The following TRMT44 variants were observed in gnomAD, a reference collection of about 807,000 sequenced individuals.
TRMT44 encodes the protein tRNA methyltransferase 44 homolog.
TRMT44 carries 78 observed loss-of-function variants against 77.3 expected under a neutral mutation model. That is an observed-to-expected ratio of 1.01 (90% CI 0.84 to 1.22). The LOEUF (loss-of-function observed/expected upper bound fraction) is 1.22. TRMT44 is among the 50% of genes most tolerant of loss of function. The pLI is 0.00. For missense variants in TRMT44, 1,090 were observed against 964.4 expected, an observed-to-expected ratio of 1.13 and a Z score of -1.73; for synonymous variants, 391 against 383.3, an observed-to-expected ratio of 1.02 and a Z score of -0.23.
At position 8,456,200 on chromosome 4, in the gene TRMT44, C is replaced by T. The variant is rs368628116; in HGVS notation, c.1203+1387C>T. 1.1e-4 allele frequency among the ~76,000 whole-genome samples: 16 copies of T among 152,310 alleles called. No individual in the cohort carries two copies. In the East Asian group the frequency reaches 2.9e-3, roughly 28 times the overall value. On this transcript the variant is annotated intron_variant, in intron 6 of 10. Transcript: ENST00000389737. Reference sequence around the variant, plus strand: ...AAAATTTCCTGGTCACTGCTCGTTCCTACTGCAGTGAGCCCAAGTGTTTCA... The same window carrying T: ...AAAATTTCCTGGTCACTGCTCGTTCTTACTGCAGTGAGCCCAAGTGTTTCA...
chr4:8,455,179 C>T (rs1354319894), intron 6 of TRMT44, among the ~76,000 whole-genome samples: 1 of 152,228 alleles, frequency 6.6e-6, no homozygotes, highest in Non-Finnish European at 1.5e-5. Context: ...GTTCAGTCAG[C>T]AAGCAGTTAG....
chr4:8,467,424 T>C (rs79508241), intron 8 of TRMT44, among the ~76,000 whole-genome samples: 1 of 152,210 alleles, frequency 6.6e-6, no homozygotes, highest in Admixed American at 6.5e-5. Context: ...GCTCTTACTG[T>C]TTTTTTAATT....
chr4:8,446,701 A>G lies in TRMT44; in HGVS notation c.734+111A>G, dbSNP rs1384486653. On this transcript the variant is annotated intron_variant, in intron 2 of 10. Transcript: ENST00000389737. This position sits in a 1 kb window ranked among gnomAD's most constrained non-coding sequence, Gnocchi z 4.3. The stretch of plus-strand genomic sequence containing the variant: ...TTAAGGTCCTGTCTCTGAGGTGGTT[A>G]TGGTTTGTAGGAATGCAGTTGCTAG... 1.4e-6 allele frequency: 1 copy of G among 699,562 alleles called. No individual in the cohort carries two copies. Among genetic ancestry groups the G allele is most frequent in the East Asian group, 2.8e-5 (1 of 35,568 alleles). 43.3% of individuals were successfully genotyped at this position (699,562 alleles called of 1,614,324 possible).
the TRMT44 span, among the ~76,000 whole-genome samples, chr4:8,499,649 A>G: frequency 2.0e-5 from 3 of 152,170 alleles, no homozygotes; most frequent in African/African-American, 7.2e-5. Context: ...CCACCACCAA[A>G]GATGAAACCA....
At chr4:8,485,534 G>C (rs1012251500) in intron 2 of TRMT44, among the ~76,000 whole-genome samples, 9 of 152,098 alleles carry the variant, frequency 5.9e-5, no homozygotes, top group African/African-American at 2.2e-4. Context: ...GGCATTGAGC[G>C]GGGTAAGGGT....
intron 6 of TRMT44, among the ~76,000 whole-genome samples, chr4:8,463,731 G>T (rs1249445949): frequency 6.6e-6 from 1 of 152,140 alleles, no homozygotes; most frequent in Non-Finnish European, 1.5e-5. Context: ...ATCCAAAGGC[G>T]ATTAGCACTC....
chr4:8,484,720 T>C (rs770141151), intron 2 of TRMT44, among the ~76,000 whole-genome samples: 5 of 152,150 alleles, frequency 3.3e-5, no homozygotes, highest in Non-Finnish European at 7.3e-5. Flanking sequence ...ATTTAGGATC[T>C]ATGGGGTCAA....
chr4:8,441,049 A>T lies in TRMT44; in HGVS notation c.227A>T (p.Gln76Leu), dbSNP rs1169947887. The T allele has an allele frequency of 1.9e-5, 29 of 1,487,954 alleles. No individual in the cohort carries two copies. The South Asian group carries it at 2.2e-4, about 11-fold the overall frequency. 92.2% of individuals were successfully genotyped at this position (1,487,954 alleles called of 1,614,324 possible). A position where few individuals can be genotyped will look rare whatever the true frequency, so the allele number is the denominator to read the frequency against. ...EQKERGPGPG[Q>L]GSPGGGPGPR... is the part of the protein sequence containing the mutation. Reference sequence around the variant, plus strand: ...AAGGAGCGGGGTCCGGGACCCGGCCAGGGTTCCCCCGGAGGGGGCCCGGGT... The same window carrying T: ...AAGGAGCGGGGTCCGGGACCCGGCCTGGGTTCCCCCGGAGGGGGCCCGGGT... The change falls in exon 1 of 11, where the codon CAG becomes CTG. Residue 76 changes from glutamine to leucine, a missense_variant. Coordinates refer to ENST00000389737, the MANE Select transcript of TRMT44 (RefSeq NM_152544.3).
At chr4:8,478,356 G>C (rs1170465507), downstream of TRMT44, 3 of 152,738 alleles carry the variant, frequency 2.0e-5, no homozygotes, top group Non-Finnish European at 4.4e-5. Context: ...CAGGCCAAGA[G>C]CTATGCTAAG....
In TRMT44 at chr4:8,465,535, T is replaced by A. The variant is rs113553358; in HGVS notation, c.1468T>A (p.Cys490Ser). 13 of 1,613,204 alleles carry A rather than the reference T, an allele frequency of 8.1e-6. No homozygotes were observed. The highest frequency in any genetic ancestry group is 1.1e-5 in the South Asian group (1 of 90,848). Reference sequence around the variant, plus strand: ...CTGTGGGTTTCACGTGGACGAAGACTGCCTCAGGATTCCTTCAACCAAAAG... The same window carrying A: ...CTGTGGGTTTCACGTGGACGAAGACAGCCTCAGGATTCCTTCAACCAAAAG... Reference protein sequence around the residue: ...FTCGFHVDEDCLRIPSTKRVC... With the variant: ...FTCGFHVDEDSLRIPSTKRVC... Residue 490 changes from cysteine to serine, a missense_variant, in exon 8 of 11, where the codon TGC becomes AGC. Transcript: ENST00000389737.
the TRMT44 span, among the ~76,000 whole-genome samples, chr4:8,506,033 C>T: frequency 6.6e-6 from 1 of 152,244 alleles, no homozygotes; most frequent in Non-Finnish European, 1.5e-5. Flanking sequence ...TATTTCTTCA[C>T]AGCAGTGTGA....
chr4:8,478,058 C>T (rs1414615903), downstream of TRMT44: 1 of 153,186 alleles, frequency 6.5e-6, no homozygotes, highest in African/African-American at 2.4e-5. Context: ...CCCATTTCCT[C>T]TCCCCTTCCC....
intron 1 of TRMT44, among the ~76,000 whole-genome samples, chr4:8,443,137 C>T (rs1560217055): frequency 6.6e-6 from 1 of 152,110 alleles, no homozygotes; most frequent in Non-Finnish European, 1.5e-5. Flanking sequence ...CTCTAGGTGT[C>T]CTCTCCTCCA....
Position 8,466,092 on chromosome 4 carries a change from C to T in TRMT44, c.1494+531C>T, listed in dbSNP as rs538751431. Reference sequence around the variant, plus strand: ...TGTGTGGACAGGGCAGACTTATGCCCTCTTGCCGCTCCAAAGGCTTGACCT... The same window carrying T: ...TGTGTGGACAGGGCAGACTTATGCCTTCTTGCCGCTCCAAAGGCTTGACCT... On this transcript the variant is annotated intron_variant, in intron 8 of 10. Coordinates refer to ENST00000389737, the MANE Select transcript of TRMT44 (RefSeq NM_152544.3). 7.9e-5 allele frequency among the ~76,000 whole-genome samples: 12 copies of T among 152,336 alleles called. No homozygotes were observed. The South Asian group carries it at 8.3e-4, about 11-fold the overall frequency.
chr4:8,463,056 T>C (rs1390996933), intron 6 of TRMT44, among the ~76,000 whole-genome samples: 3 of 152,254 alleles, frequency 2.0e-5, no homozygotes, highest in Non-Finnish European at 2.9e-5. Flanking sequence ...TTACTTACCA[T>C]GTCTGTAAAA....
intron 1 of TRMT44, among the ~76,000 whole-genome samples, chr4:8,443,014 C>T (rs1448002354): frequency 5.3e-5 from 8 of 152,172 alleles, no homozygotes; most frequent in African/African-American, 7.2e-5. Context: ...CTGGGTATTA[C>T]GGCATGGACA....
At position 8,452,325 on chromosome 4, in the gene TRMT44, C is replaced by T. The variant is rs77696840; in HGVS notation, c.1023+297C>T. Among the ~76,000 whole-genome samples the T allele has an allele frequency of 9.8e-4, 149 of 152,356 alleles. 1 individual carries two copies. Among genetic ancestry groups the T allele is most frequent in the African/African-American group, 3.5e-3 (145 of 41,584 alleles). On this transcript the variant is annotated intron_variant, in intron 4 of 10. Coordinates refer to ENST00000389737, the MANE Select transcript of TRMT44 (RefSeq NM_152544.3). This position sits in a 1 kb window ranked among gnomAD's most constrained non-coding sequence, Gnocchi z 5.7. Reference sequence around the variant, plus strand: ...TGGCACAGGGAAGCACTGAGGAACACGTGTCTTCCGGCCCTGGCCTAGAAC... The same window carrying T: ...TGGCACAGGGAAGCACTGAGGAACATGTGTCTTCCGGCCCTGGCCTAGAAC...
intron 10 of TRMT44, among the ~76,000 whole-genome samples, chr4:8,474,666 C>T (rs1247997301): frequency 2.6e-5 from 4 of 152,236 alleles, no homozygotes; most frequent in African/African-American, 9.6e-5. Context: ...GCCAGACTTC[C>T]TCACTGAGGC....
chr4:8,461,874 G>T lies in TRMT44; in HGVS notation c.1204-2111G>T, dbSNP rs113586378. On this transcript the variant is annotated intron_variant, in intron 6 of 10. Coordinates refer to ENST00000389737, the MANE Select transcript of TRMT44 (RefSeq NM_152544.3). The surrounding 1 kb of genome is among the most constrained non-coding windows in gnomAD (Gnocchi z 4.6). The stretch of plus-strand genomic sequence containing the variant: ...TTTTCTAGTGAATGATTTCCTTCCA[G>T]CTGCAGTTGAGTGGTTTCCACGAAC... 0.011 allele frequency among the ~76,000 whole-genome samples: 1,599 copies of T among 152,268 alleles called. 31 individuals carry two copies. Among genetic ancestry groups the T allele is most frequent in the African/African-American group, 0.037 (1,517 of 41,542 alleles).
Sources: allele counts gnomAD v4.1 joint callset (sites outside exome capture counted in the v4.1 genomes callset), GRCh38; gene constraint gnomAD v4.1.1; non-coding constraint Gnocchi (gnomAD v3.1); transcripts MANE v1.5; gene names NCBI Gene and HGNC (gene_info 2026-07-23, HGNC 2026-07-21).